The following TMTC2 variants were observed in gnomAD, a reference collection of about 807,000 sequenced individuals.
The protein encoded by TMTC2 is transmembrane O-mannosyltransferase targeting cadherins 2.
A neutral mutation model predicts 82.4 loss-of-function variants in TMTC2; 43 were observed. The observed-to-expected ratio is 0.52, with a 90% confidence interval of 0.41 to 0.67. TMTC2 has a LOEUF of 0.67. TMTC2 is among the 30% of genes least tolerant of loss of function. The pLI is 0.00. For missense variants in TMTC2, 919 were observed against 1,012.4 expected (o/e 0.91, Z 1.25); for synonymous variants, 408 against 381.9 (o/e 1.07, Z -0.80).
At chr12:82,723,480 G>A (rs766444306) in intron 1 of TMTC2, among the ~76,000 whole-genome samples, 18 of 152,008 alleles carry the variant, frequency 1.2e-4, no homozygotes, top group African/African-American at 2.4e-4. Context: ...TGGAATATTC[G>A]CACATACATC....
At chr12:82,971,815 A>AAC (rs1878460230) in intron 7 of TMTC2, among the ~76,000 whole-genome samples, 1 of 151,546 alleles carries the variant, frequency 6.6e-6, no homozygotes, top group South Asian at 2.1e-4. Flanking sequence ...GTATGCAAAA[A>AAC]AAAAAAAAAT....
At chr12:82,832,857 T>A (rs1233495348) in intron 1 of TMTC2, among the ~76,000 whole-genome samples, 3 of 152,202 alleles carry the variant, frequency 2.0e-5, no homozygotes, top group Admixed American at 2.0e-4. Context: ...TAGATTAGTC[T>A]TGGGAAGCAA....
chr12:82,802,214 C>G (rs1412850774), intron 1 of TMTC2, among the ~76,000 whole-genome samples: 1 of 152,164 alleles, frequency 6.6e-6, no homozygotes, highest in Non-Finnish European at 1.5e-5. Context: ...CAGCTGCTGG[C>G]TCAGGTCCTA....
intron 1 of TMTC2, among the ~76,000 whole-genome samples, chr12:82,716,352 G>C (rs1873895905): frequency 6.7e-6 from 1 of 149,978 alleles, no homozygotes; most frequent in African/African-American, 2.5e-5. Flanking sequence ...TCGTATGCTT[G>C]TCTGGTACAT....
chr12:82,892,949 TTTTC>T (rs1376901435), intron 2 of TMTC2, among the ~76,000 whole-genome samples: 1 of 152,194 alleles, frequency 6.6e-6, no homozygotes, highest in Non-Finnish European at 1.5e-5. Context: ...TTTGTGGTAT[TTTTC>T]TTTCTAAAAT....
intron 11 of TMTC2, among the ~76,000 whole-genome samples, chr12:83,106,459 A>G (rs997422251): frequency 3.4e-5 from 5 of 148,630 alleles, no homozygotes; most frequent in African/African-American, 5.0e-5. Flanking sequence ...AGATCACGCC[A>G]TTGCACTCCA....
intron 8 of TMTC2, among the ~76,000 whole-genome samples, chr12:82,996,319 C>A (rs1879615566): frequency 6.6e-6 from 1 of 152,096 alleles, no homozygotes; most frequent in South Asian, 2.1e-4. Context: ...GCATGGGAGA[C>A]CTGAGTGAAT....
chr12:82,738,438 TACTG>T (rs1875227378), intron 1 of TMTC2, among the ~76,000 whole-genome samples: 1 of 152,190 alleles, frequency 6.6e-6, no homozygotes, highest in Admixed American at 6.5e-5. Flanking sequence ...TATGATCACT[TACTG>T]AGTGACAGGG....
chr12:82,705,837 C>T (rs1350133557), intron 1 of TMTC2, among the ~76,000 whole-genome samples: 6 of 152,052 alleles, frequency 3.9e-5, no homozygotes, highest in Non-Finnish European at 5.9e-5. Context: ...TCTCAAAGAG[C>T]TTAGGGTCTG....
chr12:83,062,945 C>A (rs1435070379), intron 11 of TMTC2, among the ~76,000 whole-genome samples: 2 of 151,730 alleles, frequency 1.3e-5, no homozygotes, highest in Non-Finnish European at 2.9e-5. Flanking sequence ...AAAAACATAT[C>A]TTTTTCTTAA....
At chr12:82,910,559 G>C (rs563660520) in intron 3 of TMTC2, among the ~76,000 whole-genome samples, 1 of 152,194 alleles carries the variant, frequency 6.6e-6, no homozygotes, top group East Asian at 1.9e-4. Context: ...TGTATCCCAG[G>C]GTTTCTTACC....
rs1299828352 is a variant in TMTC2, at chr12:82,986,049, G to T, written c.2070+3G>T. 2 of 1,613,792 alleles carry T rather than the reference G, an allele frequency of 1.2e-6. No homozygotes were observed. Among genetic ancestry groups the T allele is most frequent in the African/African-American group, 2.7e-5 (2 of 74,894 alleles). On this transcript the variant is annotated splice_donor_region_variant and intron_variant, in intron 8 of 11. Coordinates refer to ENST00000321196, the MANE Select transcript of TMTC2 (RefSeq NM_152588.3). ...ATGGGAAGCTGCTAGCTCTAACAGTGAGTAACCGCCTTCCTTGGTCTTTAA... is the reference window on the plus strand; with the variant it reads ...ATGGGAAGCTGCTAGCTCTAACAGTTAGTAACCGCCTTCCTTGGTCTTTAA...
At chr12:83,008,757 T>C (rs1172031653) in intron 8 of TMTC2, among the ~76,000 whole-genome samples, 4 of 152,194 alleles carry the variant, frequency 2.6e-5, no homozygotes, top group Non-Finnish European at 5.9e-5. Flanking sequence ...CAGCCTCTAA[T>C]GTGAGAACTG....
chr12:83,058,608 C>A (rs1156837668), intron 10 of TMTC2, among the ~76,000 whole-genome samples: 1 of 151,794 alleles, frequency 6.6e-6, no homozygotes, highest in East Asian at 1.9e-4. Flanking sequence ...TGTGACATAA[C>A]AATGTTGACT....
chr12:82,960,814 C>T (rs985086736), intron 4 of TMTC2, among the ~76,000 whole-genome samples: 2 of 49,792 alleles, frequency 4.0e-5, no homozygotes, highest in African/African-American at 7.8e-5. Context: ...ATATAGGTAT[C>T]AGGTTTTTTT....
At chr12:83,046,436 T>C (rs1002538264) in intron 9 of TMTC2, among the ~76,000 whole-genome samples, 1 of 152,182 alleles carries the variant, frequency 6.6e-6, no homozygotes, top group Non-Finnish European at 1.5e-5. Context: ...TTGCTCTCTA[T>C]TTTAGTTCAA....
intron 11 of TMTC2, among the ~76,000 whole-genome samples, chr12:83,118,367 G>A (rs760704613): frequency 6.6e-6 from 1 of 152,080 alleles, no homozygotes; most frequent in Non-Finnish European, 1.5e-5. Flanking sequence ...TTTGCTTAGG[G>A]TTTTAATCAT....
chr12:82,851,989 G>A (rs1290212594), intron 1 of TMTC2, among the ~76,000 whole-genome samples: 2 of 151,532 alleles, frequency 1.3e-5, no homozygotes, highest in African/African-American at 4.8e-5. Flanking sequence ...CAATAGTGTT[G>A]GCCTTTGTCA....
chr12:82,950,657 A>T (rs1283894498), intron 4 of TMTC2, among the ~76,000 whole-genome samples: 2 of 152,228 alleles, frequency 1.3e-5, no homozygotes, highest in African/African-American at 4.8e-5. Context: ...AGGCTTATTT[A>T]GATGTCATAG....
Sources: allele counts gnomAD v4.1 joint callset (sites outside exome capture counted in the v4.1 genomes callset), GRCh38; gene constraint gnomAD v4.1.1; transcripts MANE v1.5; gene names NCBI Gene and HGNC (gene_info 2026-07-23, HGNC 2026-07-21).